ATF7IP2: variants seen among roughly 807,000 people sequenced by gnomAD.
ATF7IP2 encodes activating transcription factor 7 interacting protein 2, also known as activating transcription factor 7-interacting protein 2.
In ATF7IP2, 42 loss-of-function variants were observed where a neutral mutation model predicts 64.2. The ratio of observed to expected loss-of-function variants is 0.65; its 90% CI spans 0.51 to 0.85. ATF7IP2 has a LOEUF of 0.85. ATF7IP2 is among the 40% of genes least tolerant of loss of function. The pLI is 0.00. For synonymous variants in ATF7IP2, 308 were observed against 272.8 expected, an observed-to-expected ratio of 1.13 and a Z score of -1.27; for missense variants, 933 against 784.2, an observed-to-expected ratio of 1.19 and a Z score of -2.27.
chr16:10,386,266 A>T (rs1392229199), intron 1 of ATF7IP2, 144 bp downstream of exon 1: 3 of 152,200 alleles, frequency 2.0e-5, no homozygotes, highest in Admixed American at 2.0e-4. Flanking sequence ...AGCTGCCCTG[A>T]CTGAAAAGCG....
At chr16:10,422,825 A>C (rs1299947302) in intron 3 of ATF7IP2, among the ~76,000 whole-genome samples, 1 of 152,228 alleles carries the variant, frequency 6.6e-6, no homozygotes, top group East Asian at 1.9e-4. Context: ...CATATGGCAC[A>C]ATCAGGAGCT....
intron 1 of ATF7IP2, among the ~76,000 whole-genome samples, chr16:10,393,271 A>T (rs1031712522): frequency 1.4e-5 from 2 of 139,078 alleles, no homozygotes; most frequent in East Asian, 4.6e-4. Context: ...GATTGCCTCA[A>T]TGCCAGTGCA....
intron 2 of ATF7IP2, among the ~76,000 whole-genome samples, chr16:10,417,821 A>G (rs1446534066): frequency 1.3e-5 from 2 of 152,240 alleles, no homozygotes; most frequent in Non-Finnish European, 2.9e-5. Context: ...AGACCTATAC[A>G]CAAATGGAAT....
At chr16:10,408,822 G>A (rs2047693902) in intron 1 of ATF7IP2, among the ~76,000 whole-genome samples, 1 of 152,118 alleles carries the variant, frequency 6.6e-6, no homozygotes, top group Non-Finnish European at 1.5e-5. Flanking sequence ...TCCTTTTTCT[G>A]TGCAGAAGCT....
chr16:10,465,476 G>A (rs565111414), intron 9 of ATF7IP2, among the ~76,000 whole-genome samples: 1 of 151,882 alleles, frequency 6.6e-6, no homozygotes, highest in Non-Finnish European at 1.5e-5. Flanking sequence ...GCCGGGCACA[G>A]TGACTCACGC....
chr16:10,476,906 G>A (rs2050030152), intron 12 of ATF7IP2, among the ~76,000 whole-genome samples: 2 of 152,190 alleles, frequency 1.3e-5, no homozygotes, highest in South Asian at 4.2e-4. Context: ...TATCATTGAT[G>A]GGCTTTTGGG....
chr16:10,447,087 T>A (rs1430897050), intron 8 of ATF7IP2: 1 of 152,222 alleles, frequency 6.6e-6, no homozygotes, highest in African/African-American at 2.4e-5. Flanking sequence ...ATAAGCCATA[T>A]GAGTTGACCA....
intron 8 of ATF7IP2, chr16:10,449,718 A>G (rs2048924461): frequency 6.6e-6 from 1 of 152,026 alleles, no homozygotes; most frequent in South Asian, 2.1e-4. Flanking sequence ...TAGTCAGGCT[A>G]GCGGTCTATT....
chr16:10,462,116 T>C (rs1339614089), intron 9 of ATF7IP2, among the ~76,000 whole-genome samples: 1 of 152,162 alleles, frequency 6.6e-6, no homozygotes, highest in Non-Finnish European at 1.5e-5. Context: ...TATTCTTTAC[T>C]CGGAATAGTA....
chr16:10,386,519 A>G (rs1269951932), intron 1 of ATF7IP2: 6 of 152,122 alleles, frequency 3.9e-5, no homozygotes, highest in East Asian at 1.9e-4. Context: ...ACCTCCACCA[A>G]TTTTAGTGTC....
intron 7 of ATF7IP2, among the ~76,000 whole-genome samples, chr16:10,439,988 C>T (rs953989791): frequency 2.0e-5 from 3 of 151,674 alleles, no homozygotes; most frequent in African/African-American, 4.8e-5. Context: ...TGGAGAAACC[C>T]CGTCACTACT....
At chr16:10,414,971 T>C (rs2047842741) in intron 2 of ATF7IP2, among the ~76,000 whole-genome samples, 2 of 152,060 alleles carry the variant, frequency 1.3e-5, no homozygotes, top group Admixed American at 6.6e-5. Flanking sequence ...ATGAAAGAAA[T>C]TGAAGAGGAC....
chr16:10,414,320 G>A (rs7206545), intron 1 of ATF7IP2, among the ~76,000 whole-genome samples: 120,400 of 151,730 alleles, frequency 0.79, 48,629 homozygotes, highest in African/African-American at 0.95. Context: ...TAATTAAAAA[G>A]CCTTGTCAAG....
At chr16:10,468,476 A>C (rs1258590995) in intron 9 of ATF7IP2, among the ~76,000 whole-genome samples, 1 of 152,200 alleles carries the variant, frequency 6.6e-6, no homozygotes, top group East Asian at 1.9e-4. Flanking sequence ...CATGATTGGG[A>C]AAACAAATGA....
At chr16:10,448,207 A>T (rs979480431) in intron 8 of ATF7IP2, 1 of 152,228 alleles carries the variant, frequency 6.6e-6, no homozygotes, top group Non-Finnish European at 1.5e-5. Flanking sequence ...AGGTAGTGTG[A>T]TGCCTCCAGC....
chr16:10,443,401 T>C (rs2141944522), intron 8 of ATF7IP2, among the ~76,000 whole-genome samples: 1 of 152,240 alleles, frequency 6.6e-6, no homozygotes, highest in East Asian at 1.9e-4. Flanking sequence ...TGTGGGGTGC[T>C]AGAAGAGAGC....
chr16:10,416,150 C>G (rs1388723480), intron 2 of ATF7IP2, among the ~76,000 whole-genome samples: 1 of 152,180 alleles, frequency 6.6e-6, no homozygotes, highest in Non-Finnish European at 1.5e-5. Context: ...ATCTGCAATT[C>G]CATGTTTGTT....
chr16:10,414,486 A>C (rs1364107066), intron 1 of ATF7IP2, 88 bp from the exon 2 acceptor site: 3 of 151,524 alleles, frequency 2.0e-5, no homozygotes, highest in Non-Finnish European at 2.9e-5. Flanking sequence ...TTCTTGTATG[A>C]TTTTTTTGAT....
intron 1 of ATF7IP2, among the ~76,000 whole-genome samples, chr16:10,405,474 C>G (rs7184236): frequency 2.0e-5 from 3 of 151,974 alleles, no homozygotes; most frequent in African/African-American, 7.3e-5. Flanking sequence ...GTTTTGTAAG[C>G]CCCCCACCAT....
Sources: allele counts gnomAD v4.1 joint callset (sites outside exome capture counted in the v4.1 genomes callset), GRCh38; gene constraint gnomAD v4.1.1; transcripts MANE v1.5; gene names NCBI Gene and HGNC (gene_info 2026-07-23, HGNC 2026-07-21).